The following CNIH3 variants were observed in gnomAD, a reference collection of about 807,000 sequenced individuals.
CNIH3 encodes the protein cornichon family AMPA receptor auxiliary protein 3.
Under a neutral mutation model 24.1 loss-of-function variants are expected in CNIH3, and 14 were observed. The ratio of observed to expected loss-of-function variants is 0.58; its 90% CI spans 0.38 to 0.91. CNIH3 has a LOEUF of 0.91. Ranked by LOEUF, CNIH3 falls within the 40% of genes least tolerant of loss-of-function variation. The pLI, the probability that CNIH3 is intolerant of heterozygous loss-of-function variation, is 0.00. For missense variants in CNIH3, 178 were observed against 196.8 expected (o/e 0.90, Z 0.57); for synonymous variants, 68 against 73.8 (o/e 0.92, Z 0.40).
rs1166361247 is a variant in CNIH3, at chr1:224,463,771, TC to T, written n.203+28910del. 5.2e-5 allele frequency among the ~76,000 whole-genome samples: 6 copies of T among 115,026 alleles called. 1 individual carries two copies. Among genetic ancestry groups the T allele is most frequent in the African/African-American group, 6.8e-5 (2 of 29,386 alleles). 75.5% of individuals were successfully genotyped at this position (115,026 alleles called of 152,430 possible). A position where few individuals can be genotyped will look rare whatever the true frequency, so the allele number is the denominator to read the frequency against. On this transcript the variant is annotated intron_variant and non_coding_transcript_variant, in intron 1 of 5. Transcript: ENST00000471578. ...TTTTCTCCCAGCTTATGAATTGTCC[TC>T]ATTTTTTTTTTTTTTTTTTTTTTTT...
chr1:224,510,167 T>A (rs1558118603), intron 1 of CNIH3, among the ~76,000 whole-genome samples: 1 of 152,130 alleles, frequency 6.6e-6, no homozygotes, highest in Non-Finnish European at 1.5e-5. Context: ...AGTCTATGGA[T>A]GTTCCCCTTG....
chr1:224,699,707 T>C (rs982493349), intron 3 of CNIH3, among the ~76,000 whole-genome samples: 9 of 152,156 alleles, frequency 5.9e-5, no homozygotes, highest in Non-Finnish European at 1.3e-4. Flanking sequence ...TGCATCTGAA[T>C]GTGTGTTCCA....
intron 1 of CNIH3, among the ~76,000 whole-genome samples, chr1:224,443,983 T>G (rs1006025179): frequency 2.0e-5 from 3 of 152,152 alleles, no homozygotes; most frequent in Non-Finnish European, 4.4e-5. Flanking sequence ...TCTAGATTTT[T>G]AAAAAGTTTT....
intron 1 of CNIH3, among the ~76,000 whole-genome samples, chr1:224,660,994 C>A (rs528828397): frequency 6.6e-6 from 1 of 152,284 alleles, no homozygotes; most frequent in East Asian, 1.9e-4. Context: ...ATTTTGTGGT[C>A]CCAACAATAA....
chr1:224,510,612 A>AC (rs1453802450), intron 1 of CNIH3, among the ~76,000 whole-genome samples: 27 of 135,136 alleles, frequency 2.0e-4, no homozygotes, highest in African/African-American at 6.4e-4. Flanking sequence ...AAAAAAACAA[A>AC]AAAAAAACAA....
At chr1:224,640,047 G>A (rs773700557) in intron 1 of CNIH3, among the ~76,000 whole-genome samples, 3 of 152,196 alleles carry the variant, frequency 2.0e-5, no homozygotes, top group African/African-American at 4.8e-5. Context: ...GGTCTTGAGC[G>A]TGAGCTGCCC....
intron 1 of CNIH3, among the ~76,000 whole-genome samples, chr1:224,516,519 T>A (rs890638345): frequency 2.0e-5 from 3 of 152,150 alleles, no homozygotes; most frequent in African/African-American, 7.2e-5. Context: ...CCTAGCTCAA[T>A]GCTAGAGATG....
chr1:224,616,882 G>A lies in CNIH3; in HGVS notation c.-293G>A. ...CACAGCTTGGCACTAATTTGCAGGTGTTCGCTGCTGATTTGGTTTCTTCTT... is the reference window on the plus strand; with the variant it reads ...CACAGCTTGGCACTAATTTGCAGGTATTCGCTGCTGATTTGGTTTCTTCTT... On this transcript the variant is annotated 5_prime_UTR_variant, in exon 1 of 6. Coordinates refer to ENST00000272133, the MANE Select transcript of CNIH3 (RefSeq NM_152495.2). 7.9e-7 allele frequency: 1 copy of A among 1,261,136 alleles called. No individual in the cohort carries two copies. Among genetic ancestry groups the A allele is most frequent in the African/African-American group, 1.5e-5 (1 of 65,538 alleles). The allele number at this position is 1,261,136 out of a possible 1,614,324, so 78.1% of individuals were successfully genotyped here. A position where few individuals can be genotyped will look rare whatever the true frequency, so the allele number is the denominator to read the frequency against.
At position 224,569,616 on chromosome 1, in the gene CNIH3, T is replaced by C. The variant is rs150240319; in HGVS notation, n.516+3352T>C. On this transcript the variant is annotated intron_variant and non_coding_transcript_variant, in intron 4 of 5. Coordinates refer to the CNIH3 transcript ENST00000471578. The stretch of plus-strand genomic sequence containing the variant: ...AGATTATTTCTAATTATTTTTCAAG[T>C]GGTTGTACCAGTTGACACTCTCACC... Among the ~76,000 whole-genome samples the C allele has an allele frequency of 1.3e-4, 20 of 152,222 alleles. No homozygotes were observed. In the East Asian group the frequency reaches 3.7e-3, roughly 28 times the overall value.
At chr1:224,629,080 C>T (rs941899123) in intron 1 of CNIH3, among the ~76,000 whole-genome samples, 2 of 151,722 alleles carry the variant, frequency 1.3e-5, no homozygotes, top group African/African-American at 4.8e-5. Flanking sequence ...GATCTCGGCT[C>T]ACTGCAACCT....
intron 1 of CNIH3, among the ~76,000 whole-genome samples, chr1:224,623,059 G>A (rs1305016275): frequency 6.6e-6 from 1 of 152,138 alleles, no homozygotes; most frequent in African/African-American, 2.4e-5. Flanking sequence ...CCTGCAAGGT[G>A]CTGGGTGCTG....
Position 224,684,167 on chromosome 1 carries a change from A to C in CNIH3, c.151-629A>C, listed in dbSNP as rs1462907790. On this transcript the variant is annotated intron_variant, in intron 2 of 5. Transcript: ENST00000272133. The surrounding 1 kb of genome is among the most constrained non-coding windows in gnomAD (Gnocchi z 4.2). ...ACGGCATTTAGTGCACGATGCGGGC[A>C]TCATCACCTGCCCAGCCACGGGCCA... Among the ~76,000 whole-genome samples, 1 of 152,246 alleles carries C rather than the reference A, an allele frequency of 6.6e-6. No homozygotes were observed. Among genetic ancestry groups the C allele is most frequent in the Non-Finnish European group, 1.5e-5 (1 of 68,046 alleles).
At chr1:224,690,496 C>T (rs543317478) in intron 3 of CNIH3, among the ~76,000 whole-genome samples, 7 of 152,120 alleles carry the variant, frequency 4.6e-5, no homozygotes, top group Non-Finnish European at 7.4e-5. Flanking sequence ...TACAGGCACC[C>T]GGCCCCTTAG....
downstream of CNIH3, among the ~76,000 whole-genome samples, chr1:224,539,359 C>A (rs182985241): frequency 1.9e-3 from 292 of 152,300 alleles, 3 homozygotes; most frequent in Admixed American, 0.017. Context: ...AACTTTCTTC[C>A]CAGTCCAATA....
chr1:224,568,280 C>T (rs1306282032), intron 4 of CNIH3, among the ~76,000 whole-genome samples: 1 of 151,876 alleles, frequency 6.6e-6, no homozygotes, highest in African/African-American at 2.4e-5. Flanking sequence ...CAGAGCAAGA[C>T]TCTGTCTCAA....
At chr1:224,488,590 A>G (rs760220004) in intron 1 of CNIH3, among the ~76,000 whole-genome samples, 15 of 152,232 alleles carry the variant, frequency 9.9e-5, no homozygotes, top group Non-Finnish European at 1.8e-4. Context: ...CCTCCTGAAT[A>G]GGACTGCAAG....
At chr1:224,522,685 G>A (rs1164900404) in intron 2 of CNIH3, among the ~76,000 whole-genome samples, 3 of 152,182 alleles carry the variant, frequency 2.0e-5, no homozygotes, top group East Asian at 3.8e-4. Flanking sequence ...TCAGGGACAT[G>A]CCTGGAAACA....
intron 1 of CNIH3, among the ~76,000 whole-genome samples, chr1:224,678,033 T>C (rs1234446513): frequency 6.6e-6 from 1 of 152,230 alleles, no homozygotes; most frequent in African/African-American, 2.4e-5. Context: ...CTGGCCTTGG[T>C]CCCGCTTGGT....
chr1:224,649,549 G>A (rs533452656), intron 1 of CNIH3, among the ~76,000 whole-genome samples: 11 of 152,284 alleles, frequency 7.2e-5, no homozygotes, highest in Admixed American at 6.5e-5. Flanking sequence ...TACACAATAG[G>A]TGCTCAGTTT....
Sources: allele counts gnomAD v4.1 joint callset (sites outside exome capture counted in the v4.1 genomes callset), GRCh38; gene constraint gnomAD v4.1.1; non-coding constraint Gnocchi (gnomAD v3.1); transcripts MANE v1.5; gene names NCBI Gene and HGNC (gene_info 2026-07-23, HGNC 2026-07-21).